Variants in LOC728743 observed in about 807,000 individuals in gnomAD.
At chr7:150,408,580 G>A in the LOC728743 span, 6 of 190,404 alleles carry the variant, frequency 3.2e-5, no homozygotes, top group Non-Finnish European at 5.4e-5. Context: ...CAGGTGGGGC[G>A]GTCTGGGTAC....
the LOC728743 span, chr7:150,411,038 A>G: frequency 6.6e-6 from 1 of 152,226 alleles, no homozygotes; most frequent in Non-Finnish European, 1.5e-5. Context: ...TTCCCCAGAC[A>G]TTGGCAGAGG....
chr7:150,403,556 G>A, the LOC728743 span, among the ~76,000 whole-genome samples: 1 of 152,232 alleles, frequency 6.6e-6, no homozygotes, highest in Non-Finnish European at 1.5e-5. The surrounding 1 kb of genome is among the most constrained non-coding windows in gnomAD (Gnocchi z 5.1). Context: ...GCAGGGGCTG[G>A]AAAGCTGGGC....
the LOC728743 span, chr7:150,405,133 C>A: frequency 6.6e-6 from 1 of 152,236 alleles, no homozygotes; most frequent in Non-Finnish European, 1.5e-5. Context: ...GTTCAGGCCC[C>A]GGAACCGGCC....
the LOC728743 span, among the ~76,000 whole-genome samples, chr7:150,402,317 G>A: frequency 2.0e-5 from 3 of 152,174 alleles, no homozygotes; most frequent in Non-Finnish European, 4.4e-5. Flanking sequence ...GAGGCCTCAC[G>A]CTGAGCCTCA....
chr7:150,407,702 C>T, the LOC728743 span: 1 of 399,382 alleles, frequency 2.5e-6, no homozygotes, highest in Non-Finnish European at 4.4e-6. Flanking sequence ...CATCCACCAC[C>T]CTGCAGAGGA....
At chr7:150,403,740 T>C in the LOC728743 span, among the ~76,000 whole-genome samples, 1 of 151,968 alleles carries the variant, frequency 6.6e-6, no homozygotes, top group African/African-American at 2.4e-5. The surrounding 1 kb of genome is among the most constrained non-coding windows in gnomAD (Gnocchi z 5.1). Context: ...GACGTGGAAC[T>C]CCTAAAGTCC....
At chr7:150,410,184 A>T in the LOC728743 span, 2 of 398,414 alleles carry the variant, frequency 5.0e-6, no homozygotes, top group South Asian at 2.5e-4. Context: ...GGATCTTAAG[A>T]CCCGATAGGT....
chr7:150,410,203 C>T, the LOC728743 span: 8 of 398,552 alleles, frequency 2.0e-5, no homozygotes, highest in African/African-American at 1.6e-4. Flanking sequence ...GTGCAGAACC[C>T]ATCTGGACAC....
chr7:150,405,113 T>C, the LOC728743 span: 6 of 152,202 alleles, frequency 3.9e-5, no homozygotes, highest in African/African-American at 1.4e-4. Flanking sequence ...GAGGGCCCGC[T>C]CCGTGGGACG....
the LOC728743 span, among the ~76,000 whole-genome samples, chr7:150,402,524 G>A: frequency 1.3e-5 from 2 of 152,238 alleles, no homozygotes; most frequent in African/African-American, 4.8e-5. Context: ...CATCGACTGA[G>A]GACCTATTGT....
the LOC728743 span, among the ~76,000 whole-genome samples, chr7:150,408,872 G>T: frequency 6.6e-6 from 1 of 152,234 alleles, no homozygotes; most frequent in African/African-American, 2.4e-5. Context: ...CTGGTGCACA[G>T]AGCCTTAGTT....
chr7:150,412,123 T>C, the LOC728743 span: 1 of 152,338 alleles, frequency 6.6e-6, no homozygotes, highest in Non-Finnish European at 1.5e-5. Flanking sequence ...TACCAGGGTC[T>C]AGCACAGGAC....
the LOC728743 span, chr7:150,408,208 A>C: frequency 2.6e-6 from 1 of 391,888 alleles, no homozygotes; most frequent in Non-Finnish European, 4.5e-6. Context: ...CGGCCCACTT[A>C]GGACGCGTGC....
At chr7:150,402,328 C>G in the LOC728743 span, among the ~76,000 whole-genome samples, 4 of 152,232 alleles carry the variant, frequency 2.6e-5, no homozygotes, top group Non-Finnish European at 4.4e-5. Context: ...CTGAGCCTCA[C>G]ATCTCCATCC....
At chr7:150,401,690 C>T in the LOC728743 span, among the ~76,000 whole-genome samples, 1 of 152,178 alleles carries the variant, frequency 6.6e-6, no homozygotes, top group African/African-American at 2.4e-5. Context: ...GTGTCCTAAA[C>T]AGGCTGTTCA....
chr7:150,403,613 G>C, the LOC728743 span, among the ~76,000 whole-genome samples: 2 of 152,180 alleles, frequency 1.3e-5, no homozygotes, highest in African/African-American at 4.8e-5. The surrounding 1 kb of genome is among the most constrained non-coding windows in gnomAD (Gnocchi z 5.1). Flanking sequence ...TTGGTCATCA[G>C]CACCTGGGGT....
the LOC728743 span, among the ~76,000 whole-genome samples, chr7:150,404,287 C>T: frequency 6.6e-6 from 1 of 152,208 alleles, no homozygotes; most frequent in Non-Finnish European, 1.5e-5. Context: ...GGCACGTTCT[C>T]ACTGGGGCCC....
At chr7:150,403,989 G>A in the LOC728743 span, among the ~76,000 whole-genome samples, 3 of 152,220 alleles carry the variant, frequency 2.0e-5, no homozygotes, top group African/African-American at 7.2e-5. This position sits in a 1 kb window ranked among gnomAD's most constrained non-coding sequence, Gnocchi z 5.1. Flanking sequence ...GGCTCCAGAA[G>A]GCACAGTGGG....
At chr7:150,403,194 A>G in the LOC728743 span, among the ~76,000 whole-genome samples, 1 of 151,820 alleles carries the variant, frequency 6.6e-6, no homozygotes, top group East Asian at 1.9e-4. The surrounding 1 kb of genome is among the most constrained non-coding windows in gnomAD (Gnocchi z 5.1). Context: ...TGGGGGAGAC[A>G]GGGGAGGTGG....
Sources: allele counts gnomAD v4.1 joint callset (sites outside exome capture counted in the v4.1 genomes callset), GRCh38; gene constraint gnomAD v4.1.1; non-coding constraint Gnocchi (gnomAD v3.1); transcripts MANE v1.5.